NOX4: variants seen among roughly 807,000 people sequenced by gnomAD.
The protein encoded by NOX4 is NADPH oxidase 4, also known as kidney oxidase-1.
A neutral mutation model predicts 87.6 loss-of-function variants in NOX4; 69 were observed. The ratio of observed to expected loss-of-function variants is 0.79; its 90% CI spans 0.65 to 0.96. The LOEUF (loss-of-function observed/expected upper bound fraction) is 0.96, where lower values mean the gene tolerates loss of function less well. Among genes scored for constraint, NOX4 ranks in the 40% least tolerant of loss-of-function variants. NOX4 has a pLI of 0.00. For missense variants in NOX4, 680 were observed against 681.5 expected (o/e 1.00, Z 0.02); for synonymous variants, 275 against 238.2 (o/e 1.15, Z -1.42).
At chr11:89,562,428 C>T in the NOX4 span, among the ~76,000 whole-genome samples, 1 of 152,040 alleles carries the variant, frequency 6.6e-6, no homozygotes, top group African/African-American at 2.4e-5. Context: ...CTCCTCCCCG[C>T]CCCTTTTATC....
In NOX4 at chr11:89,402,407, A is replaced by C; in HGVS notation, c.765T>G (p.Phe255Leu). ...EHFHEPFPEG[F>L]SKPAEFTQHK... ...GCTGGGTAAACTCTGCCGGTTTTGA[A>C]AATCCTTCAGGGAAAGGTTCATGAA... Residue 255 changes from phenylalanine (F) to leucine (L), a missense_variant, in exon 9 of 18, where the codon TTT becomes TTG. Phe to Leu is a conservative substitution (Grantham distance 22). Coordinates refer to ENST00000263317, the MANE Select transcript of NOX4 (RefSeq NM_016931.5). 1 of 1,613,226 alleles carries C rather than the reference A, an allele frequency of 6.2e-7. No homozygotes were observed. Among genetic ancestry groups the C allele is most frequent in the Non-Finnish European group, 8.5e-7 (1 of 1,179,650 alleles).
chr11:89,508,429 T>C, the NOX4 span, among the ~76,000 whole-genome samples: 133 of 152,180 alleles, frequency 8.7e-4, 1 homozygote, highest in African/African-American at 3.2e-3. Flanking sequence ...GAAATATTTC[T>C]TTTCTTGAGC....
At chr11:89,417,081 C>A (rs1443478937) in intron 8 of NOX4, among the ~76,000 whole-genome samples, 1 of 152,114 alleles carries the variant, frequency 6.6e-6, no homozygotes, top group Non-Finnish European at 1.5e-5. Flanking sequence ...CAATCACCAC[C>A]CACACAGCAC....
At chr11:89,506,769 T>C in the NOX4 span, among the ~76,000 whole-genome samples, 1 of 151,818 alleles carries the variant, frequency 6.6e-6, no homozygotes, top group Non-Finnish European at 1.5e-5. Context: ...AAAATACAGA[T>C]ACCTCACCAA....
chr11:89,416,716 A>C (rs1165924567), intron 8 of NOX4, among the ~76,000 whole-genome samples: 1 of 152,116 alleles, frequency 6.6e-6, no homozygotes, highest in East Asian at 1.9e-4. Flanking sequence ...AAGCCTGCCC[A>C]CTGTGCTCCC....
the NOX4 span, among the ~76,000 whole-genome samples, chr11:89,543,210 T>A: frequency 3.0e-4 from 45 of 152,068 alleles, no homozygotes; most frequent in African/African-American, 8.2e-4. Context: ...TATAAAAAAA[T>A]TTTTAAAGAA....
the NOX4 span, among the ~76,000 whole-genome samples, chr11:89,520,891 C>T: frequency 2.6e-5 from 4 of 152,078 alleles, no homozygotes; most frequent in African/African-American, 9.7e-5. Flanking sequence ...CATTTCTATT[C>T]ACCAATAACA....
At chr11:89,355,681 A>G (rs988393479) in intron 12 of NOX4, among the ~76,000 whole-genome samples, 3 of 152,106 alleles carry the variant, frequency 2.0e-5, no homozygotes, top group African/African-American at 7.2e-5. Flanking sequence ...ATGTTGATCA[A>G]CCTAAGCTCT....
intron 6 of NOX4, among the ~76,000 whole-genome samples, chr11:89,438,846 T>TCTTATA (rs373716565): frequency 1.2e-4 from 3 of 25,396 alleles, no homozygotes; most frequent in Non-Finnish European, 1.9e-4. Context: ...ATTATATATA[T>TCTTATA]TATATAATAT....
intron 8 of NOX4, among the ~76,000 whole-genome samples, chr11:89,408,051 C>G (rs912228314): frequency 9.9e-5 from 15 of 151,638 alleles, no homozygotes; most frequent in African/African-American, 3.6e-4. Flanking sequence ...GCTTCAAGTA[C>G]AAAGAAAAAG....
At chr11:89,404,323 A>T (rs1363037727) in intron 8 of NOX4, among the ~76,000 whole-genome samples, 2 of 152,172 alleles carry the variant, frequency 1.3e-5, no homozygotes, top group Non-Finnish European at 2.9e-5. Flanking sequence ...TCTACTGGCC[A>T]AAAGTTGAAC....
chr11:89,567,616 C>T, the NOX4 span, among the ~76,000 whole-genome samples: 1 of 152,154 alleles, frequency 6.6e-6, no homozygotes, highest in Non-Finnish European at 1.5e-5. Context: ...AGGGGGAAGC[C>T]TCTTATAAAA....
intron 2 of NOX4, among the ~76,000 whole-genome samples, chr11:89,469,076 G>A (rs1945820868): frequency 1.3e-5 from 2 of 152,062 alleles, no homozygotes; most frequent in African/African-American, 4.8e-5. Context: ...CAAATTTTTG[G>A]CAAAGCTATT....
At chr11:89,574,152 A>C in the NOX4 span, among the ~76,000 whole-genome samples, 1 of 152,128 alleles carries the variant, frequency 6.6e-6, no homozygotes, top group African/African-American at 2.4e-5. Flanking sequence ...ATAATTGTCA[A>C]ACCATCACTT....
chr11:89,518,470 G>A, the NOX4 span, among the ~76,000 whole-genome samples: 7 of 151,912 alleles, frequency 4.6e-5, no homozygotes, highest in Non-Finnish European at 8.8e-5. Context: ...AAAATAATAT[G>A]ATTATTTAGG....
chr11:89,588,222 G>A, the NOX4 span, among the ~76,000 whole-genome samples: 1 of 152,116 alleles, frequency 6.6e-6, no homozygotes, highest in Non-Finnish European at 1.5e-5. Flanking sequence ...ATAAAGTTAT[G>A]TTCATAGCAA....
the NOX4 span, among the ~76,000 whole-genome samples, chr11:89,506,295 G>GAAAGAAAGAGAA: frequency 3.4e-5 from 1 of 29,036 alleles, no homozygotes; most frequent in Admixed American, 4.4e-4. Context: ...AAGAAAGAAA[G>GAAAGAAAGAGAA]AAAGAAAGAG....
At chr11:89,395,725 T>G (rs561351035) in intron 11 of NOX4, among the ~76,000 whole-genome samples, 1 of 152,322 alleles carries the variant, frequency 6.6e-6, no homozygotes, top group South Asian at 2.1e-4. Context: ...TACATACAAC[T>G]AGCCAATTTT....
chr11:89,585,162 T>G, the NOX4 span, among the ~76,000 whole-genome samples: 1 of 152,110 alleles, frequency 6.6e-6, no homozygotes, highest in South Asian at 2.1e-4. Context: ...TTAGGCCTCT[T>G]TAGTTATGCT....
Sources: gnomAD v4.1 joint callset for allele counts (sites outside exome capture counted in the v4.1 genomes callset) on GRCh38, gnomAD v4.1.1 for gene constraint, MANE v1.5 for transcripts, NCBI Gene and HGNC (gene_info 2026-07-23, HGNC 2026-07-21) for gene names.